The following ZNF341 variants were observed in gnomAD, a reference collection of about 807,000 sequenced individuals.
The protein encoded by ZNF341 is zinc finger protein 341.
A neutral mutation model predicts 87.7 loss-of-function variants in ZNF341; 52 were observed. The observed-to-expected ratio is 0.59, with a 90% confidence interval of 0.47 to 0.75. ZNF341 has a LOEUF of 0.75. Ranked by LOEUF, ZNF341 falls within the 30% of genes least tolerant of loss-of-function variation. The probability of loss-of-function intolerance (pLI) is 0.00; values close to 1 mark genes in which losing one functional copy is unlikely to be tolerated. For missense variants in ZNF341, 977 were observed against 1,145.9 expected, an observed-to-expected ratio of 0.85 and a Z score of 2.13; for synonymous variants, 459 against 472.7, an observed-to-expected ratio of 0.97 and a Z score of 0.38.
chr20:33,785,075 T>A (rs1312696266), intron 12 of ZNF341, among the ~76,000 whole-genome samples: 1 of 152,304 alleles, frequency 6.6e-6, no homozygotes, highest in African/African-American at 2.4e-5. Flanking sequence ...ATTAGTTAAA[T>A]TTTTTAATTG....
chr20:33,774,378 A>G (rs1438866867), intron 10 of ZNF341, among the ~76,000 whole-genome samples: 2 of 152,168 alleles, frequency 1.3e-5, no homozygotes, highest in Non-Finnish European at 2.9e-5. Flanking sequence ...AGAGAAAACA[A>G]TTTTGTAAAA....
chr20:33,759,093 T>A (rs1424262825), intron 7 of ZNF341, among the ~76,000 whole-genome samples: 1 of 152,020 alleles, frequency 6.6e-6, no homozygotes, highest in Non-Finnish European at 1.5e-5. Context: ...GATGTGTTAG[T>A]GCTGTCTTAG....
At chr20:33,789,614 AG>A in intron 14 of ZNF341, 26 bp downstream of exon 14, 2 of 1,613,298 alleles carry the variant, frequency 1.2e-6, no homozygotes, top group Non-Finnish European at 1.7e-6. Context: ...GCCTGCTAAG[AG>A]GGTCTGGTTC....
intron 10 of ZNF341, among the ~76,000 whole-genome samples, chr20:33,779,472 A>G (rs1258777111): frequency 1.6e-5 from 2 of 127,074 alleles, no homozygotes; most frequent in African/African-American, 3.0e-5. Context: ...TTTTTTTGAG[A>G]TGGAGTCTCA....
intron 10 of ZNF341, among the ~76,000 whole-genome samples, chr20:33,773,244 G>A (rs893756040): frequency 2.0e-5 from 3 of 152,140 alleles, no homozygotes; most frequent in Admixed American, 1.3e-4. Context: ...GTTTAGATTC[G>A]AACCCTAGTG....
At chr20:33,771,175 A>G (rs572382244) in intron 10 of ZNF341, among the ~76,000 whole-genome samples, 1 of 152,306 alleles carries the variant, frequency 6.6e-6, no homozygotes, top group South Asian at 2.1e-4. Context: ...AGCAAAGATC[A>G]TAAAAATAAT....
chr20:33,777,725 A>G (rs199605730), intron 10 of ZNF341, among the ~76,000 whole-genome samples: 177 of 152,252 alleles, frequency 1.2e-3, no homozygotes, highest in African/African-American at 4.0e-3. Flanking sequence ...GAATTTTCCA[A>G]TTGTTCCAAT....
intron 10 of ZNF341, among the ~76,000 whole-genome samples, chr20:33,776,177 C>T (rs1005544683): frequency 6.6e-6 from 1 of 151,974 alleles, no homozygotes; most frequent in East Asian, 1.9e-4. Context: ...CCTTGACCTC[C>T]CCAGTCTCAG....
intron 5 of ZNF341, among the ~76,000 whole-genome samples, chr20:33,755,180 G>A (rs2019152126): frequency 6.6e-6 from 1 of 152,142 alleles, no homozygotes; most frequent in Non-Finnish European, 1.5e-5. Flanking sequence ...CCTGGCCTCA[G>A]GTGATCTGCC....
chr20:33,749,239 C>T (rs552057610), intron 4 of ZNF341, among the ~76,000 whole-genome samples, 167 bp downstream of exon 4: 1 of 152,336 alleles, frequency 6.6e-6, no homozygotes, highest in East Asian at 1.9e-4. Flanking sequence ...GGGGAAGCTG[C>T]TACGTCTAGG....
intron 1 of ZNF341, 80 bp from the exon 2 acceptor site, chr20:33,740,822 G>C: frequency 7.5e-7 from 1 of 1,340,920 alleles, no homozygotes; most frequent in Non-Finnish European, 1.1e-6. Flanking sequence ...CAGGGGTTTT[G>C]CCTGGGTCTG....
At chr20:33,788,736 G>A (rs889004010) in intron 12 of ZNF341, 127 bp from the exon 13 acceptor site, 1 of 738,524 alleles carries the variant, frequency 1.4e-6, no homozygotes, top group Non-Finnish European at 2.5e-6. Context: ...AAGAATGAGA[G>A]AGGCTATTTT....
chr20:33,742,099 C>T (rs1002813200), intron 2 of ZNF341, among the ~76,000 whole-genome samples: 9 of 152,160 alleles, frequency 5.9e-5, no homozygotes, highest in Admixed American at 2.6e-4. Context: ...CTACTGCCCT[C>T]GAGCTGCAGC....
At chr20:33,772,659 AGT>A (rs1311090547) in intron 10 of ZNF341, among the ~76,000 whole-genome samples, 3 of 152,194 alleles carry the variant, frequency 2.0e-5, no homozygotes, top group African/African-American at 7.2e-5. Context: ...CAATGGATGG[AGT>A]GTGTTCCTAT....
chr20:33,747,802 TCTC>T (rs1327773987), intron 3 of ZNF341, among the ~76,000 whole-genome samples: 1 of 150,498 alleles, frequency 6.6e-6, no homozygotes, highest in Non-Finnish European at 1.5e-5. Flanking sequence ...TTCAAGTGAT[TCTC>T]CTGCCTCAGC....
intron 10 of ZNF341, among the ~76,000 whole-genome samples, chr20:33,779,205 C>T (rs972875097): frequency 1.3e-5 from 2 of 152,034 alleles, no homozygotes; most frequent in Non-Finnish European, 2.9e-5. Context: ...ATGGCCAGAG[C>T]AGGAGCCAGA....
intron 10 of ZNF341, among the ~76,000 whole-genome samples, chr20:33,772,010 T>TAAAAAAAAGAAAAAA (rs2019542520): frequency 1.8e-5 from 1 of 56,168 alleles, no homozygotes; most frequent in Non-Finnish European, 3.1e-5. Context: ...ACGCTTGTCT[T>TAAAAAAAAGAAAAAA]AAAAAAAAAA....
chr20:33,741,450 G>A (rs1352280092), intron 2 of ZNF341, among the ~76,000 whole-genome samples: 1 of 150,790 alleles, frequency 6.6e-6, no homozygotes, highest in East Asian at 2.0e-4. Flanking sequence ...TGTCCTCCAG[G>A]CTGGAGTGCA....
intron 5 of ZNF341, among the ~76,000 whole-genome samples, chr20:33,756,599 C>T (rs1376987148): frequency 6.6e-6 from 1 of 152,102 alleles, no homozygotes; most frequent in South Asian, 2.1e-4. Flanking sequence ...AACTCCTGAC[C>T]TTAGGTGATC....
Sources: gnomAD v4.1 joint callset for allele counts (sites outside exome capture counted in the v4.1 genomes callset) on GRCh38, gnomAD v4.1.1 for gene constraint, MANE v1.5 for transcripts, NCBI Gene and HGNC (gene_info 2026-07-23, HGNC 2026-07-21) for gene names.